The following CDH4 variants were observed in gnomAD, a reference collection of about 807,000 sequenced individuals.
The protein encoded by CDH4 is cadherin-4.
Under a neutral mutation model 86.0 loss-of-function variants are expected in CDH4, and 33 were observed. That is an observed-to-expected ratio of 0.38 (90% CI 0.29 to 0.51). CDH4 has a LOEUF of 0.51. CDH4 is among the 20% of genes least tolerant of loss of function. The pLI, the probability that CDH4 is intolerant of heterozygous loss-of-function variation, is 0.86. For missense variants in CDH4, 1,114 were observed against 1,307.4 expected (o/e 0.85, Z 2.28); for synonymous variants, 555 against 549.4 (o/e 1.01, Z -0.14).
At chr20:61,525,129 T>C (rs1305177433) in intron 2 of CDH4, among the ~76,000 whole-genome samples, 1 of 152,192 alleles carries the variant, frequency 6.6e-6, no homozygotes, top group African/African-American at 2.4e-5. Flanking sequence ...TTGCCAGGCA[T>C]GATTCCCGGG....
At chr20:61,379,887 G>C (rs1440638714) in intron 2 of CDH4, among the ~76,000 whole-genome samples, 1 of 152,208 alleles carries the variant, frequency 6.6e-6, no homozygotes. Flanking sequence ...ATTGCTTAGA[G>C]CAGAGACAAA....
intron 2 of CDH4, among the ~76,000 whole-genome samples, chr20:61,633,574 T>C (rs191489070): frequency 2.6e-5 from 4 of 152,248 alleles, no homozygotes; most frequent in Admixed American, 6.5e-5. Flanking sequence ...CATCACCAAG[T>C]TCCAAAACAT....
chr20:61,355,497 C>T (rs535204710), intron 2 of CDH4, among the ~76,000 whole-genome samples: 48 of 152,328 alleles, frequency 3.2e-4, no homozygotes, highest in African/African-American at 1.0e-3. Flanking sequence ...CAAAAGACCA[C>T]GTGCCTCATA....
intron 2 of CDH4, among the ~76,000 whole-genome samples, chr20:61,542,937 C>A (rs1372990581): frequency 2.0e-5 from 3 of 152,256 alleles, no homozygotes; most frequent in Non-Finnish European, 4.4e-5. Context: ...AGCCTTCAGT[C>A]TGTGGCCAAA....
chr20:61,435,968 G>A (rs894415436), intron 2 of CDH4, among the ~76,000 whole-genome samples: 5 of 151,946 alleles, frequency 3.3e-5, no homozygotes, highest in African/African-American at 9.7e-5. Flanking sequence ...ACCTCCCCTC[G>A]CCTTCTCCAG....
intron 2 of CDH4, among the ~76,000 whole-genome samples, chr20:61,558,239 G>T (rs1449704439): frequency 1.3e-5 from 2 of 152,088 alleles, no homozygotes; most frequent in Admixed American, 1.3e-4. Flanking sequence ...TCAAGATAGA[G>T]AATACTCAAG....
chr20:61,280,281 G>A (rs1345302122), intron 2 of CDH4, among the ~76,000 whole-genome samples: 2 of 152,182 alleles, frequency 1.3e-5, no homozygotes, highest in East Asian at 3.9e-4. Flanking sequence ...CACCTGAGAT[G>A]CCCAGGAAGG....
chr20:61,644,516 G>A lies in CDH4; in HGVS notation c.170-99047G>A, dbSNP rs148621201. Among the ~76,000 whole-genome samples the A allele has an allele frequency of 4.3e-3, 653 of 152,272 alleles. 6 individuals carry two copies. Among genetic ancestry groups the A allele is most frequent in the African/African-American group, 0.015 (613 of 41,552 alleles). On this transcript the variant is annotated intron_variant, in intron 2 of 15. Transcript: ENST00000614565. The stretch of plus-strand genomic sequence containing the variant: ...GCAATAAAGGAGCCACAGAGCCCCC[G>A]CTTTGAATGACGTGAGCGGGCTTTC...
chr20:61,871,290 C>T (rs543652886), intron 6 of CDH4, among the ~76,000 whole-genome samples: 14 of 152,252 alleles, frequency 9.2e-5, no homozygotes, highest in African/African-American at 2.2e-4. Context: ...CCAGGCTCCT[C>T]GTGAGTTCCT....
intron 12 of CDH4, among the ~76,000 whole-genome samples, chr20:61,928,846 C>G (rs1268232744): frequency 6.6e-6 from 1 of 152,212 alleles, no homozygotes; most frequent in East Asian, 1.9e-4. Flanking sequence ...TGTCTACTTC[C>G]ATCGGGAGAG....
rs1247779909 is a variant in CDH4, at chr20:61,653,334, C to T, written c.170-90229C>T. On this transcript the variant is annotated intron_variant, in intron 2 of 15. Transcript: ENST00000614565. ...AAAATGAAAAGTCTCCCATGTCTAC[C>T]TCTTTCTACACAGACACGGCAACCA... Among the ~76,000 whole-genome samples, 17 of 133,032 alleles carry T rather than the reference C, an allele frequency of 1.3e-4. 1 individual carries two copies. Among genetic ancestry groups the T allele is most frequent in the South Asian group, 4.8e-4 (2 of 4,152 alleles). 87.3% of individuals were successfully genotyped at this position (133,032 alleles called of 152,430 possible).
At chr20:61,371,374 G>A (rs1429870222) in intron 2 of CDH4, among the ~76,000 whole-genome samples, 1 of 152,104 alleles carries the variant, frequency 6.6e-6, no homozygotes, top group Non-Finnish European at 1.5e-5. Flanking sequence ...GGCAGCCCTT[G>A]GTGTCCAGTG....
At chr20:61,648,946 G>A (rs1402673391) in intron 2 of CDH4, among the ~76,000 whole-genome samples, 1 of 152,210 alleles carries the variant, frequency 6.6e-6, no homozygotes, top group Non-Finnish European at 1.5e-5. Context: ...CCTCGCAGGT[G>A]GCCATCGGGG....
At chr20:61,929,159 C>CTTTCTT (rs2055077990) in intron 12 of CDH4, among the ~76,000 whole-genome samples, 1 of 148,530 alleles carries the variant, frequency 6.7e-6, no homozygotes, top group Admixed American at 6.7e-5. Flanking sequence ...TCTCCAATGT[C>CTTTCTT]TTTTTTTTTT....
At chr20:61,304,694 T>C (rs182445975) in intron 2 of CDH4, among the ~76,000 whole-genome samples, 1 of 152,290 alleles carries the variant, frequency 6.6e-6, no homozygotes, top group East Asian at 1.9e-4. Context: ...GATGTATTTC[T>C]AGACTATGTA....
At chr20:61,652,938 A>ATTTATTTTTTTTTTTTTTTTT (rs1555819716) in intron 2 of CDH4, among the ~76,000 whole-genome samples, 9 of 97,412 alleles carry the variant, frequency 9.2e-5, no homozygotes, top group East Asian at 2.4e-4. Context: ...TTATTTATTT[A>ATTTATTTTTTTTTTTTTTTTT]TTTTTTTTTT....
intron 5 of CDH4, among the ~76,000 whole-genome samples, chr20:61,848,246 A>T (rs1411901873): frequency 6.6e-6 from 1 of 152,232 alleles, no homozygotes; most frequent in Non-Finnish European, 1.5e-5. Flanking sequence ...CCATGAAAGA[A>T]GATGAGGGAG....
chr20:61,539,138 C>A (rs1200770912), intron 2 of CDH4, among the ~76,000 whole-genome samples: 1 of 152,068 alleles, frequency 6.6e-6, no homozygotes, highest in Non-Finnish European at 1.5e-5. Context: ...CCACCGTGGC[C>A]GGTGCACCCA....
At chr20:61,489,384 C>G (rs534270854) in intron 2 of CDH4, among the ~76,000 whole-genome samples, 9 of 152,186 alleles carry the variant, frequency 5.9e-5, no homozygotes, top group Non-Finnish European at 1.2e-4. Flanking sequence ...AAATCTACAC[C>G]TACTCTATGG....
Sources: gnomAD v4.1 joint callset for allele counts (sites outside exome capture counted in the v4.1 genomes callset) on GRCh38, gnomAD v4.1.1 for gene constraint, MANE v1.5 for transcripts, NCBI Gene and HGNC (gene_info 2026-07-23, HGNC 2026-07-21) for gene names.